The following SYP variants were observed in gnomAD, a reference collection of about 807,000 sequenced individuals.
The protein encoded by SYP is synaptophysin, also known as major synaptic vesicle protein P38.
A neutral mutation model predicts 24.3 loss-of-function variants in SYP; 2 were observed. The ratio of observed to expected loss-of-function variants is 0.08; its 90% CI spans 0.03 to 0.26. The LOEUF (loss-of-function observed/expected upper bound fraction) is 0.26, where lower values mean the gene tolerates loss of function less well. Among genes scored for constraint, SYP ranks in the 10% least tolerant of loss-of-function variants. The probability of loss-of-function intolerance (pLI) is 1.00; values close to 1 mark genes in which losing one functional copy is unlikely to be tolerated. For synonymous variants in SYP, 143 were observed against 123.2 expected, an observed-to-expected ratio of 1.16 and a Z score of -1.07; for missense variants, 216 against 266.3, an observed-to-expected ratio of 0.81 and a Z score of 1.32.
chrX:49,199,917 CG>C (rs1378506084), intron 1 of SYP, among the ~76,000 whole-genome samples: 8 of 111,400 alleles, frequency 7.2e-5, no homozygotes, highest in African/African-American at 9.8e-5. Flanking sequence ...AACGGGGCTC[CG>C]GGGGCCCCCG....
chrX:49,196,225 C>T (rs1482583528), intron 3 of SYP, among the ~76,000 whole-genome samples: 1 of 111,490 alleles, frequency 9.0e-6, no homozygotes, highest in Admixed American at 9.4e-5. Flanking sequence ...CCCTCCTTCC[C>T]CAGACTCTTT....
Sources: gnomAD v4.1 joint callset for allele counts (sites outside exome capture counted in the v4.1 genomes callset) on GRCh38, gnomAD v4.1.1 for gene constraint, MANE v1.5 for transcripts, NCBI Gene and HGNC (gene_info 2026-07-23, HGNC 2026-07-21) for gene names.